Variants in PAM observed in about 807,000 individuals in gnomAD.
The protein encoded by PAM is peptidyl-glycine alpha-amidating monooxygenase.
A neutral mutation model predicts 122.1 loss-of-function variants in PAM; 72 were observed. The ratio of observed to expected loss-of-function variants is 0.59; its 90% CI spans 0.49 to 0.72. PAM has a LOEUF of 0.72. PAM is among the 30% of genes least tolerant of loss of function. The pLI, the probability that PAM is intolerant of heterozygous loss-of-function variation, is 0.00. For synonymous variants in PAM, 389 were observed against 404.4 expected (o/e 0.96, Z 0.46); for missense variants, 1,106 against 1,183.7 (o/e 0.93, Z 0.96).
chr5:102,807,604 G>A (rs1410412573), intron 1 of PAM, among the ~76,000 whole-genome samples: 2 of 152,168 alleles, frequency 1.3e-5, no homozygotes, highest in Non-Finnish European at 2.9e-5. Context: ...AATAGACTGG[G>A]CAGCTGCCAC....
At chr5:102,911,301 C>A (rs1581615237) in intron 4 of PAM, among the ~76,000 whole-genome samples, 1 of 151,780 alleles carries the variant, frequency 6.6e-6, no homozygotes, top group Non-Finnish European at 1.5e-5. Flanking sequence ...TAAATTAGAT[C>A]TGGAGTTTCT....
chr5:103,011,162 C>G (rs149802978), intron 21 of PAM, among the ~76,000 whole-genome samples: 4,657 of 152,204 alleles, frequency 0.031, 106 homozygotes, highest in Non-Finnish European at 0.049. Flanking sequence ...TTGAATATTA[C>G]CAAAAGGAAG....
intron 4 of PAM, among the ~76,000 whole-genome samples, chr5:102,911,538 A>T (rs1432816087): frequency 3.3e-5 from 5 of 151,988 alleles, no homozygotes; most frequent in Non-Finnish European, 4.4e-5. Context: ...TAGAGAATTT[A>T]TACTTTGATT....
At chr5:102,832,508 T>G (rs1775772875) in intron 1 of PAM, among the ~76,000 whole-genome samples, 1 of 152,074 alleles carries the variant, frequency 6.6e-6, no homozygotes, top group Non-Finnish European at 1.5e-5. Context: ...AAGCTTAATT[T>G]ATAAATTGGG....
chr5:102,991,820 A>G (rs1433802212), intron 16 of PAM, among the ~76,000 whole-genome samples: 1 of 152,176 alleles, frequency 6.6e-6, no homozygotes, highest in Admixed American at 6.6e-5. Flanking sequence ...AGTGCTTTTA[A>G]AAGCAAACTA....
Position 102,995,540 on chromosome 5 carries a change from G to GCATC in PAM, c.1613+5139_1613+5140insCATC, listed in dbSNP as rs1172938639. 2.2e-3 allele frequency among the ~76,000 whole-genome samples: 342 copies of GCATC among 152,118 alleles called. 3 individuals are homozygous for GCATC. The highest frequency in any genetic ancestry group is 8.1e-3 in the African/African-American group (336 of 41,548). On this transcript the variant is annotated intron_variant, in intron 16 of 25. Transcript: ENST00000438793. ...TTTTGAGACTTGCATCAAGACGTTT[G>GCATC]AACTCCCTGATTCTCAGTTGCTTGC...
chr5:102,875,523 A>T (rs1788891523), intron 3 of PAM, among the ~76,000 whole-genome samples: 1 of 152,066 alleles, frequency 6.6e-6, no homozygotes, highest in African/African-American at 2.4e-5. Context: ...ACTTTTTCTT[A>T]TATCTTCTAA....
intron 5 of PAM, among the ~76,000 whole-genome samples, chr5:102,915,501 A>G (rs1017071933): frequency 3.3e-5 from 5 of 152,154 alleles, no homozygotes; most frequent in African/African-American, 1.2e-4. Flanking sequence ...ATACCCTTCA[A>G]TATCAACATT....
chr5:102,784,257 G>A (rs910430025), intron 1 of PAM, among the ~76,000 whole-genome samples: 1 of 152,088 alleles, frequency 6.6e-6, no homozygotes, highest in African/African-American at 2.4e-5. Context: ...TAACCTCTAA[G>A]CTCCAATCAT....
intron 1 of PAM, among the ~76,000 whole-genome samples, chr5:102,823,520 A>G (rs1772691198): frequency 6.6e-6 from 1 of 152,232 alleles, no homozygotes; most frequent in Non-Finnish European, 1.5e-5. Context: ...TAACTGGGTG[A>G]TTCAGACTTT....
At position 103,029,138 on chromosome 5, in the gene PAM, A is replaced by G; in HGVS notation, c.*73A>G. On this transcript the variant is annotated 3_prime_UTR_variant, in exon 26 of 26. Transcript: ENST00000438793. Reference sequence around the variant, plus strand: ...ATTCCTTTCCCTTTAGCACGTTTAAAGTTCTGTGTATTTAATTGTAAACTG... The same window carrying G: ...ATTCCTTTCCCTTTAGCACGTTTAAGGTTCTGTGTATTTAATTGTAAACTG... 1.6e-6 allele frequency: 2 copies of G among 1,231,766 alleles called. No homozygotes were observed. The highest frequency in any genetic ancestry group is 4.0e-4 in the Middle Eastern group (2 of 4,950). 76.3% of individuals were successfully genotyped at this position (1,231,766 alleles called of 1,614,324 possible).
At chr5:102,952,415 C>G (rs556867538) in intron 12 of PAM, among the ~76,000 whole-genome samples, 2 of 152,158 alleles carry the variant, frequency 1.3e-5, no homozygotes, top group East Asian at 3.9e-4. Flanking sequence ...AAATAATACC[C>G]TAAAATGACT....
At chr5:102,849,133 A>G (rs775666477) in intron 1 of PAM, among the ~76,000 whole-genome samples, 1 of 152,192 alleles carries the variant, frequency 6.6e-6, no homozygotes, top group Non-Finnish European at 1.5e-5. Flanking sequence ...CAATATCCTT[A>G]AAATTCTTGG....
At chr5:102,801,484 G>C (rs1054564814) in intron 1 of PAM, among the ~76,000 whole-genome samples, 1 of 152,106 alleles carries the variant, frequency 6.6e-6, no homozygotes, top group Non-Finnish European at 1.5e-5. Context: ...AGAAGGAATC[G>C]TAGCACTGTG....
intron 5 of PAM, among the ~76,000 whole-genome samples, chr5:102,915,666 G>C (rs1408850157): frequency 6.6e-6 from 1 of 151,966 alleles, no homozygotes; most frequent in Non-Finnish European, 1.5e-5. Flanking sequence ...ATTTACCTTT[G>C]AATTGGACTC....
chr5:102,817,627 A>G (rs1580498897), intron 1 of PAM, among the ~76,000 whole-genome samples: 1 of 152,228 alleles, frequency 6.6e-6, no homozygotes, highest in South Asian at 2.1e-4. Context: ...GGATGGCACT[A>G]TCATTAATTC....
intron 1 of PAM, among the ~76,000 whole-genome samples, chr5:102,779,351 T>C (rs552444576): frequency 2.6e-5 from 4 of 152,156 alleles, no homozygotes; most frequent in African/African-American, 7.2e-5. Flanking sequence ...AAATGTTTAG[T>C]TATGATTACA....
rs1758418594 is a variant in PAM at position 102,950,416 on chromosome 5, G to GTGTGTGTGTGTGTGTGT, written c.802-301_802-300insTGTGTGTGTGTGTGTGT. ...CAGTGATTATTTGTGTATGTGGGTG[G>GTGTGTGTGTGTGTGTGT]GTGTGTGTGTGTGTGTGTGTGTGTC... On this transcript the variant is annotated intron_variant, in intron 11 of 25. Coordinates refer to ENST00000438793, the MANE Select transcript of PAM (RefSeq NM_001177306.2). Among the ~76,000 whole-genome samples, 356 of 146,058 alleles carry GTGTGTGTGTGTGTGTGT rather than the reference G, an allele frequency of 2.4e-3. 2 individuals carry two copies. Among genetic ancestry groups the GTGTGTGTGTGTGTGTGT allele is most frequent in the African/African-American group, 8.7e-3 (341 of 39,006 alleles).
intron 1 of PAM, among the ~76,000 whole-genome samples, chr5:102,815,298 CAG>C (rs201932554): frequency 0.014 from 2,104 of 152,040 alleles, 27 homozygotes; most frequent in Non-Finnish European, 0.022. Flanking sequence ...GGAACTGAAA[CAG>C]AGCACCGAGA....
Sources: gnomAD v4.1 joint callset for allele counts (sites outside exome capture counted in the v4.1 genomes callset) on GRCh38, gnomAD v4.1.1 for gene constraint, MANE v1.5 for transcripts, NCBI Gene and HGNC (gene_info 2026-07-23, HGNC 2026-07-21) for gene names.